The following EPB41L4A variants were observed in gnomAD, a reference collection of about 807,000 sequenced individuals.
EPB41L4A encodes band 4.1-like protein 4A.
In EPB41L4A, 100 loss-of-function variants were observed where a neutral mutation model predicts 108.6. The ratio of observed to expected loss-of-function variants is 0.92; its 90% CI spans 0.78 to 1.09. The LOEUF (loss-of-function observed/expected upper bound fraction) is 1.09. Ranked by LOEUF, EPB41L4A falls within the 50% of genes least tolerant of loss-of-function variation. EPB41L4A has a pLI of 0.00. For missense variants in EPB41L4A, 1,030 were observed against 842.7 expected (o/e 1.22, Z -2.75); for synonymous variants, 319 against 289.0 (o/e 1.10, Z -1.05).
intron 18 of EPB41L4A, among the ~76,000 whole-genome samples, chr5:112,179,910 AGAAACTG>A (rs1761060225): frequency 6.6e-6 from 1 of 152,304 alleles, no homozygotes; most frequent in Non-Finnish European, 1.5e-5. Context: ...GAAAATCGTA[AGAAACTG>A]CCCCCAACCA....
At chr5:112,362,935 G>T (rs772144598) in intron 1 of EPB41L4A, among the ~76,000 whole-genome samples, 1 of 151,454 alleles carries the variant, frequency 6.6e-6, no homozygotes, top group Non-Finnish European at 1.5e-5. Context: ...TTAAAGGCAA[G>T]ATTTCAGAAA....
chr5:112,419,784 C>T (rs1048825669), upstream of EPB41L4A: 47 of 456,744 alleles, frequency 1.0e-4, no homozygotes, highest in Admixed American at 8.7e-4. Context: ...GAGGTCAGCT[C>T]GTCGCGGGGT....
chr5:112,380,932 T>C (rs1395376344), intron 1 of EPB41L4A, among the ~76,000 whole-genome samples: 1 of 152,088 alleles, frequency 6.6e-6, no homozygotes, highest in Admixed American at 6.5e-5. Context: ...TTCCTTCTGG[T>C]TGCAGGCCAG....
chr5:112,238,796 C>T (rs1424582924), intron 11 of EPB41L4A, among the ~76,000 whole-genome samples: 1 of 151,760 alleles, frequency 6.6e-6, no homozygotes, highest in Non-Finnish European at 1.5e-5. Context: ...TCTCTAGGTA[C>T]CTAATACTAT....
chr5:112,288,295 G>C (rs1048300052), intron 2 of EPB41L4A, among the ~76,000 whole-genome samples: 9 of 152,206 alleles, frequency 5.9e-5, no homozygotes, highest in African/African-American at 2.2e-4. Context: ...GTTAATTAAA[G>C]GTTGATTCAT....
At chr5:112,343,153 G>A (rs190114703) in intron 1 of EPB41L4A, among the ~76,000 whole-genome samples, 2 of 152,268 alleles carry the variant, frequency 1.3e-5, no homozygotes, top group Admixed American at 1.3e-4. Flanking sequence ...GTTCTCAAGT[G>A]CTTTGAAGCA....
chr5:112,302,194 C>T (rs1030236113), intron 2 of EPB41L4A, among the ~76,000 whole-genome samples: 2 of 152,028 alleles, frequency 1.3e-5, no homozygotes, highest in Non-Finnish European at 2.9e-5. Context: ...AAATTACACA[C>T]GAGTACATGG....
chr5:112,411,207 A>C (rs1189579249), intron 1 of EPB41L4A, among the ~76,000 whole-genome samples: 1 of 152,230 alleles, frequency 6.6e-6, no homozygotes, highest in Non-Finnish European at 1.5e-5. Flanking sequence ...GTAAGTGATC[A>C]GAATCCAGAA....
At chr5:112,296,990 TACACAC>T (rs10542487) in intron 2 of EPB41L4A, among the ~76,000 whole-genome samples, 1,674 of 148,868 alleles carry the variant, frequency 0.011, 32 homozygotes, top group African/African-American at 0.038. Flanking sequence ...TATACATACA[TACACAC>T]ACACACACAC....
chr5:112,343,738 A>G (rs1417162236), intron 1 of EPB41L4A, among the ~76,000 whole-genome samples: 1 of 152,152 alleles, frequency 6.6e-6, no homozygotes, highest in East Asian at 1.9e-4. Context: ...TAAAAATCCA[A>G]TTTTTTTCAA....
At chr5:112,150,490 A>G (rs577226288) in intron 12 of EPB41L4A, among the ~76,000 whole-genome samples, 3 of 152,348 alleles carry the variant, frequency 2.0e-5, no homozygotes, top group South Asian at 2.1e-4. Flanking sequence ...AAAATAATGT[A>G]TAATAACTGA....
intron 8 of EPB41L4A, 47 bp from the exon 9 acceptor site, chr5:112,259,339 C>G (rs1295504748): frequency 6.6e-7 from 1 of 1,518,528 alleles, no homozygotes; most frequent in Admixed American, 1.7e-5. Context: ...AAGTATTAAC[C>G]TTTCAGAAAA....
At chr5:112,405,754 C>T (rs1010757497) in intron 1 of EPB41L4A, among the ~76,000 whole-genome samples, 2 of 152,168 alleles carry the variant, frequency 1.3e-5, no homozygotes, top group Non-Finnish European at 2.9e-5. Context: ...CAATTTCTTA[C>T]AAGAATTTCT....
intron 14 of EPB41L4A, among the ~76,000 whole-genome samples, chr5:112,204,920 G>A (rs1762399008): frequency 6.6e-6 from 1 of 152,046 alleles, no homozygotes; most frequent in South Asian, 2.1e-4. Context: ...TAATTAAGTG[G>A]CCCAAATAAA....
chr5:112,379,966 T>C (rs1226113529), intron 1 of EPB41L4A, among the ~76,000 whole-genome samples: 1 of 152,250 alleles, frequency 6.6e-6, no homozygotes, highest in East Asian at 1.9e-4. Flanking sequence ...TTAAAAGCCA[T>C]ACAATTTCTC....
chr5:112,197,755 G>A (rs1419249690), intron 15 of EPB41L4A, among the ~76,000 whole-genome samples: 1 of 152,126 alleles, frequency 6.6e-6, no homozygotes, highest in Non-Finnish European at 1.5e-5. Context: ...CATGATCCAA[G>A]GAACTCCTTT....
intron 12 of EPB41L4A, among the ~76,000 whole-genome samples, chr5:112,218,175 C>T (rs1434106174): frequency 1.3e-5 from 2 of 152,134 alleles, no homozygotes; most frequent in Non-Finnish European, 2.9e-5. Context: ...TCTGCTCATT[C>T]CCTTAGAACT....
At chr5:112,237,775 T>C (rs1021267827) in intron 11 of EPB41L4A, among the ~76,000 whole-genome samples, 1 of 152,178 alleles carries the variant, frequency 6.6e-6, no homozygotes, top group East Asian at 1.9e-4. Flanking sequence ...GACCCATCCC[T>C]GCCTAACCTC....
intron 1 of EPB41L4A, among the ~76,000 whole-genome samples, chr5:112,346,275 G>T (rs1757671108): frequency 7.8e-6 from 1 of 127,884 alleles, no homozygotes; most frequent in African/African-American, 2.8e-5. Flanking sequence ...GTCTAGGCTG[G>T]AGTGCAGTGG....
Sources: gnomAD v4.1 joint callset for allele counts (sites outside exome capture counted in the v4.1 genomes callset) on GRCh38, gnomAD v4.1.1 for gene constraint, MANE v1.5 for transcripts, NCBI Gene and HGNC (gene_info 2026-07-23, HGNC 2026-07-21) for gene names.